The following GRAMD1B variants were observed in gnomAD, a reference collection of about 807,000 sequenced individuals.
GRAMD1B encodes the protein GRAM domain containing 1B, also known as protein Aster-B.
Under a neutral mutation model 99.7 loss-of-function variants are expected in GRAMD1B, and 37 were observed. That is an observed-to-expected ratio of 0.37 (90% CI 0.29 to 0.49). The LOEUF is 0.49. Ranked by LOEUF, GRAMD1B falls within the 20% of genes least tolerant of loss-of-function variation. The pLI is 0.98. For missense variants in GRAMD1B, 888 were observed against 1,009.2 expected (o/e 0.88, Z 1.63); for synonymous variants, 427 against 387.6 (o/e 1.10, Z -1.19).
At chr11:123,385,093 T>C (rs1046804759) in intron 1 of GRAMD1B, among the ~76,000 whole-genome samples, 8 of 152,224 alleles carry the variant, frequency 5.3e-5, no homozygotes, top group African/African-American at 1.9e-4. Flanking sequence ...ATCTTCTCTT[T>C]CTTCATTCTC....
intron 2 of GRAMD1B, among the ~76,000 whole-genome samples, chr11:123,566,514 C>T (rs1947385861): frequency 1.3e-5 from 2 of 152,194 alleles, no homozygotes; most frequent in Admixed American, 6.5e-5. Context: ...CGCCTGTAAT[C>T]CCAGCACTTT....
At chr11:123,486,270 G>A (rs77413340) in intron 2 of GRAMD1B, among the ~76,000 whole-genome samples, 3,626 of 152,218 alleles carry the variant, frequency 0.024, 62 homozygotes, top group African/African-American at 0.032. Context: ...AGACAAAGCC[G>A]GGCACCGTGG....
intron 2 of GRAMD1B, among the ~76,000 whole-genome samples, chr11:123,576,264 AG>A (rs1480553681): frequency 6.6e-6 from 1 of 152,132 alleles, no homozygotes; most frequent in Non-Finnish European, 1.5e-5. Flanking sequence ...TGCAGCCTGC[AG>A]GGGGGTCCAG....
chr11:123,431,502 C>A (rs1948888189), intron 1 of GRAMD1B, among the ~76,000 whole-genome samples: 1 of 152,238 alleles, frequency 6.6e-6, no homozygotes, highest in Non-Finnish European at 1.5e-5. Flanking sequence ...GTGCGGGCCA[C>A]TATGTTGCGC....
At chr11:123,579,999 C>T (rs553492292) in intron 3 of GRAMD1B, among the ~76,000 whole-genome samples, 5 of 152,156 alleles carry the variant, frequency 3.3e-5, no homozygotes, top group Non-Finnish European at 7.3e-5. Context: ...ATTGGGTGGA[C>T]GCCATGCCCA....
At chr11:123,385,096 T>G (rs1947010573) in intron 1 of GRAMD1B, among the ~76,000 whole-genome samples, 1 of 152,226 alleles carries the variant, frequency 6.6e-6, no homozygotes, top group Non-Finnish European at 1.5e-5. Context: ...TTCTCTTTCT[T>G]CATTCTCCAA....
intron 2 of GRAMD1B, among the ~76,000 whole-genome samples, chr11:123,547,177 T>C (rs7938393): frequency 9.1e-4 from 139 of 152,276 alleles, no homozygotes; most frequent in African/African-American, 3.2e-3. Flanking sequence ...CCTTTCCACT[T>C]TGGAGATCTG....
chr11:123,526,063 G>C, intron 2 of GRAMD1B: 3 of 1,173,118 alleles, frequency 2.6e-6, no homozygotes, highest in Non-Finnish European at 3.8e-6. Flanking sequence ...TTGGGACTTC[G>C]TCATCTTTTC....
intron 2 of GRAMD1B, among the ~76,000 whole-genome samples, chr11:123,563,641 AG>A (rs908965864): frequency 6.6e-6 from 1 of 151,950 alleles, no homozygotes; most frequent in Non-Finnish European, 1.5e-5. Context: ...CCTCCCAAGT[AG>A]CTGGGATTAC....
intron 2 of GRAMD1B, among the ~76,000 whole-genome samples, chr11:123,561,935 G>A (rs1946815022): frequency 1.3e-5 from 2 of 152,216 alleles, no homozygotes; most frequent in South Asian, 4.1e-4. Flanking sequence ...TGCCCCGTGA[G>A]GATTGGGGGT....
chr11:123,608,364 T>G (rs1031197294), intron 11 of GRAMD1B: 1 of 764,154 alleles, frequency 1.3e-6, no homozygotes, highest in East Asian at 2.7e-5. Flanking sequence ...TAAGATCAAC[T>G]GAATTAGGGA....
In GRAMD1B at chr11:123,561,988, G is replaced by T. The variant is rs533605707; in HGVS notation, c.453-15379G>T. On this transcript the variant is annotated intron_variant, in intron 2 of 19. Coordinates refer to ENST00000635736, the MANE Select transcript of GRAMD1B (RefSeq NM_001387025.1). ...TCAGCTAGTCCGGTTACCTCTGTAG[G>T]CATTTAAGCAACTGCAAAACAATCA... Among the ~76,000 whole-genome samples, 279 of 152,264 alleles carry T rather than the reference G, an allele frequency of 1.8e-3. 2 individuals are homozygous for T. The highest frequency in any genetic ancestry group is 6.5e-3 in the African/African-American group (269 of 41,558).
rs142853805 is a variant in GRAMD1B, at chr11:123,449,305, C to A, written c.374+18139C>A. Among the ~76,000 whole-genome samples, 15 of 152,326 alleles carry A rather than the reference C, an allele frequency of 9.8e-5. No homozygotes were observed. In the East Asian group the frequency reaches 2.9e-3, roughly 29 times the overall value. On this transcript the variant is annotated intron_variant, in intron 1 of 19. Transcript: ENST00000635736. ...TATTCAGTGCCTGCTAAGCTCTTTGCATGGAACATGGTAGGAGCTCAGTAA... is the reference window on the plus strand; with the variant it reads ...TATTCAGTGCCTGCTAAGCTCTTTGAATGGAACATGGTAGGAGCTCAGTAA...
intron 8 of GRAMD1B, among the ~76,000 whole-genome samples, chr11:123,601,894 A>G (rs1952029654): frequency 6.6e-6 from 1 of 152,226 alleles, no homozygotes; most frequent in Non-Finnish European, 1.5e-5. Context: ...GAGTCTGCTA[A>G]CTGTGCTTGT....
chr11:123,609,521 C>T (rs949861686), intron 12 of GRAMD1B, among the ~76,000 whole-genome samples: 6 of 152,204 alleles, frequency 3.9e-5, no homozygotes, highest in South Asian at 2.1e-4. Context: ...CCAGCACCCC[C>T]GTAGGTGGCC....
intron 19 of GRAMD1B, 28 bp from the exon 20 acceptor site, chr11:123,622,478 G>T (rs1385170517): frequency 7.0e-7 from 1 of 1,418,970 alleles, no homozygotes; most frequent in East Asian, 2.5e-5. Context: ...GCAGACCCAG[G>T]CCTGGGGTGG....
At chr11:123,569,577 G>A (rs1947825369) in intron 2 of GRAMD1B, among the ~76,000 whole-genome samples, 1 of 152,238 alleles carries the variant, frequency 6.6e-6, no homozygotes, top group Admixed American at 6.5e-5. Context: ...GGCATTTGCA[G>A]GCAGCATGTA....
At position 123,618,187 on chromosome 11, in the gene GRAMD1B, C is replaced by A. The variant is rs76787669; in HGVS notation, c.2319-506C>A. Among the ~76,000 whole-genome samples, 547 of 152,280 alleles carry A rather than the reference C, an allele frequency of 3.6e-3. 4 individuals carry two copies. The highest frequency in any genetic ancestry group is 0.012 in the African/African-American group (516 of 41,540). On this transcript the variant is annotated intron_variant, in intron 17 of 19. Transcript: ENST00000635736. ...GTTGTTTTCTTGTGCCCTGTCCTTG[C>A]TGGGTCGTCTCATCCATTGTGTCTT...
At chr11:123,445,807 A>C (rs1180052654) in intron 1 of GRAMD1B, among the ~76,000 whole-genome samples, 1 of 132,132 alleles carries the variant, frequency 7.6e-6, no homozygotes, top group Non-Finnish European at 1.6e-5. Flanking sequence ...GAACAGAGTG[A>C]CACTTGTCTC....
Sources: allele counts gnomAD v4.1 joint callset (sites outside exome capture counted in the v4.1 genomes callset), GRCh38; gene constraint gnomAD v4.1.1; transcripts MANE v1.5; gene names NCBI Gene and HGNC (gene_info 2026-07-23, HGNC 2026-07-21).